THSD7B: variants seen among roughly 807,000 people sequenced by gnomAD.
THSD7B encodes thrombospondin type 1 domain containing 7B.
THSD7B carries 138 observed loss-of-function variants against 213.6 expected under a neutral mutation model. The ratio of observed to expected loss-of-function variants is 0.65; its 90% CI spans 0.56 to 0.74. The LOEUF (loss-of-function observed/expected upper bound fraction) is 0.74, where lower values mean the gene tolerates loss of function less well. Ranked by LOEUF, THSD7B falls within the 30% of genes least tolerant of loss-of-function variation. THSD7B has a pLI of 0.00. For missense variants in THSD7B, 1,931 were observed against 1,991.5 expected (o/e 0.97, Z 0.58); for synonymous variants, 742 against 687.0 (o/e 1.08, Z -1.25).
intron 2 of THSD7B, among the ~76,000 whole-genome samples, chr2:137,014,149 C>T (rs1203409124): frequency 6.6e-6 from 1 of 152,074 alleles, no homozygotes; most frequent in East Asian, 1.9e-4. Flanking sequence ...ACAGCCTTGA[C>T]AAACCAATTT....
intron 3 of THSD7B, among the ~76,000 whole-genome samples, chr2:137,082,715 C>A (rs142815478): frequency 6.6e-6 from 1 of 151,978 alleles, no homozygotes; most frequent in Non-Finnish European, 1.5e-5. Flanking sequence ...TTGCTTATAT[C>A]TCTAACCGGT....
rs546488794 is a variant in THSD7B at position 137,617,934 on chromosome 2, C to A, written c.3566-458C>A. Among the ~76,000 whole-genome samples, 20 of 152,262 alleles carry A rather than the reference C, an allele frequency of 1.3e-4. No homozygotes were observed. In the South Asian group the frequency reaches 4.1e-3, roughly 32 times the overall value. On this transcript the variant is annotated intron_variant, in intron 18 of 27. Transcript: ENST00000409968. ...CATATTCTAATTACCCCCAAATGTT[C>A]TCCCTCAAAATACCATCACCTAGAG...
chr2:137,489,354 G>A (rs1017002327), intron 15 of THSD7B, among the ~76,000 whole-genome samples: 1 of 151,372 alleles, frequency 6.6e-6, no homozygotes, highest in Non-Finnish European at 1.5e-5. Context: ...AACCTGGGAG[G>A]CAGAGATTGC....
chr2:137,280,085 T>C lies in THSD7B; in HGVS notation c.2500+4059T>C, dbSNP rs546058353. On this transcript the variant is annotated intron_variant, in intron 12 of 27. Coordinates refer to ENST00000409968, the MANE Select transcript of THSD7B (RefSeq NM_001316349.2). ...AACCTTGTGCTTACAAGTTTATTTCTATCTAGTTCATCCCTAAACACTAAG... is the reference window on the plus strand; with the variant it reads ...AACCTTGTGCTTACAAGTTTATTTCCATCTAGTTCATCCCTAAACACTAAG... Among the ~76,000 whole-genome samples the C allele has an allele frequency of 8.3e-4, 126 of 152,272 alleles. 2 individuals carry two copies. In the South Asian group the frequency reaches 0.011, roughly 13 times the overall value.
At chr2:136,840,311 G>A (rs1390220649) in intron 1 of THSD7B, among the ~76,000 whole-genome samples, 15 of 152,142 alleles carry the variant, frequency 9.9e-5, no homozygotes, top group Admixed American at 6.6e-5. Flanking sequence ...CCCTGGAGGT[G>A]GAGGTTGCAG....
intron 21 of THSD7B, among the ~76,000 whole-genome samples, chr2:137,653,302 G>T (rs1002131258): frequency 5.3e-5 from 8 of 151,960 alleles, no homozygotes; most frequent in African/African-American, 1.9e-4. Context: ...CAGATAAGTG[G>T]GAGCTCCTTT....
chr2:137,547,131 G>C (rs983895745), intron 15 of THSD7B, among the ~76,000 whole-genome samples: 1 of 152,012 alleles, frequency 6.6e-6, no homozygotes, highest in Non-Finnish European at 1.5e-5. Context: ...TCAGAGCCAA[G>C]ATCTCAATTT....
chr2:137,587,193 C>A (rs1681752822), intron 17 of THSD7B, among the ~76,000 whole-genome samples: 1 of 152,178 alleles, frequency 6.6e-6, no homozygotes, highest in African/African-American at 2.4e-5. Flanking sequence ...CCATCAGGTC[C>A]TTTAAGGACT....
At position 137,586,741 on chromosome 2, in the gene THSD7B, C is replaced by T. The variant is rs181419358; in HGVS notation, c.3423+14185C>T. 3.7e-3 allele frequency among the ~76,000 whole-genome samples: 560 copies of T among 152,296 alleles called. 2 individuals carry two copies. Among genetic ancestry groups the T allele is most frequent in the African/African-American group, 0.013 (536 of 41,560 alleles). ...GATGGGCTTCCCTTTGTGGGTAACC[C>T]AACCTTTCTCTCTGGCTGCCCTTAG... On this transcript the variant is annotated intron_variant, in intron 17 of 27. Transcript: ENST00000409968.
At chr2:136,937,398 A>C (rs1255114661) in intron 2 of THSD7B, among the ~76,000 whole-genome samples, 3 of 151,932 alleles carry the variant, frequency 2.0e-5, no homozygotes, top group Admixed American at 2.0e-4. Context: ...TTTATGTAAA[A>C]CATTTGCTGA....
chr2:137,531,846 C>T (rs1001036770), intron 15 of THSD7B, among the ~76,000 whole-genome samples: 1 of 151,962 alleles, frequency 6.6e-6, no homozygotes, highest in Non-Finnish European at 1.5e-5. Context: ...GGTAAAGTGT[C>T]TTCCTGGAGT....
chr2:136,998,673 A>G (rs1034810232), intron 2 of THSD7B, among the ~76,000 whole-genome samples: 3 of 152,150 alleles, frequency 2.0e-5, no homozygotes, highest in Non-Finnish European at 4.4e-5. Flanking sequence ...ATAGATGTGC[A>G]TAGTTGCTTT....
chr2:137,558,095 C>T (rs1207073991), intron 15 of THSD7B, among the ~76,000 whole-genome samples: 3 of 152,228 alleles, frequency 2.0e-5, no homozygotes, highest in African/African-American at 7.2e-5. Context: ...ACAAAAAGTC[C>T]AGGACCAGAT....
At chr2:137,126,548 ATGT>A (rs1215812517) in intron 5 of THSD7B, among the ~76,000 whole-genome samples, 1 of 152,000 alleles carries the variant, frequency 6.6e-6, no homozygotes, top group African/African-American at 2.4e-5. Flanking sequence ...GCTTAAGGAA[ATGT>A]TGTGACTGCT....
chr2:137,093,079 T>G (rs749488089), intron 3 of THSD7B, among the ~76,000 whole-genome samples: 10 of 152,220 alleles, frequency 6.6e-5, no homozygotes, highest in African/African-American at 2.4e-4. Flanking sequence ...TTTGACTGAA[T>G]AGAGGAACGA....
At chr2:137,404,476 C>CATAT (rs1287082252) in intron 12 of THSD7B, among the ~76,000 whole-genome samples, 3 of 83,406 alleles carry the variant, frequency 3.6e-5, no homozygotes, top group African/African-American at 1.6e-4. Context: ...TATATATATA[C>CATAT]ACACACACAC....
chr2:136,966,588 C>T (rs997970860), intron 2 of THSD7B, among the ~76,000 whole-genome samples: 2 of 151,996 alleles, frequency 1.3e-5, no homozygotes, highest in Admixed American at 6.6e-5. Context: ...CATTTTAGAG[C>T]AGGTCTTTAT....
intron 2 of THSD7B, among the ~76,000 whole-genome samples, chr2:136,925,741 G>A (rs564978498): frequency 2.0e-5 from 3 of 152,224 alleles, no homozygotes; most frequent in African/African-American, 7.2e-5. Flanking sequence ...AAGGGGATTG[G>A]TGTTAATTTT....
At chr2:136,995,682 T>C (rs894480935) in intron 2 of THSD7B, among the ~76,000 whole-genome samples, 1 of 152,170 alleles carries the variant, frequency 6.6e-6, no homozygotes, top group Admixed American at 6.5e-5. Context: ...CAATAATTAC[T>C]TCTCATGACT....
Sources: allele counts gnomAD v4.1 joint callset (sites outside exome capture counted in the v4.1 genomes callset), GRCh38; gene constraint gnomAD v4.1.1; transcripts MANE v1.5; gene names NCBI Gene and HGNC (gene_info 2026-07-23, HGNC 2026-07-21).